Variants in RABL2A observed in about 807,000 individuals in gnomAD.
The protein encoded by RABL2A is RAB, member of RAS oncogene family like 2A.
RABL2A carries 17 observed loss-of-function variants against 30.7 expected under a neutral mutation model. The observed-to-expected ratio is 0.55, with a 90% CI of 0.38 to 0.83. RABL2A has a LOEUF of 0.83. Ranked by LOEUF, RABL2A falls within the 40% of genes least tolerant of loss-of-function variation. The pLI is 0.00. For synonymous variants in RABL2A, 64 were observed against 101.8 expected, an observed-to-expected ratio of 0.63 and a Z score of 2.24; for missense variants, 155 against 272.6, an observed-to-expected ratio of 0.57 and a Z score of 3.04.
intron 4 of RABL2A, 88 bp downstream of exon 4, chr2:113,634,320 A>G (rs1417163327): frequency 6.5e-7 from 1 of 1,538,838 alleles, no homozygotes; most frequent in Non-Finnish European, 8.8e-7. Flanking sequence ...ATAAGGAGAG[A>G]GTCCAGAGGG....
rs1201754037 is a variant in RABL2A, at chr2:113,641,297, C to G, written c.410-56C>G. ...GGAATGAAGGCCTCCAGTGGCCCCCCCTCCAAACCTTCTTCCCTTCCCTTG... is the reference window on the plus strand; with the variant it reads ...GGAATGAAGGCCTCCAGTGGCCCCCGCTCCAAACCTTCTTCCCTTCCCTTG... On this transcript the variant is annotated intron_variant, in intron 6 of 8. Transcript: ENST00000683472. The G allele has an allele frequency of 6.8e-5, 109 of 1,611,726 alleles. No individual in the cohort carries two copies. In the East Asian group the frequency reaches 1.3e-3, roughly 19 times the overall value.
chr2:113,632,991 A>T, intron 3 of RABL2A, 47 bp downstream of exon 3: 1 of 1,613,998 alleles, frequency 6.2e-7, no homozygotes. Flanking sequence ...GGGTCTTCCC[A>T]CGCTCATGTA....
chr2:113,636,905 C>T (rs1377157938), intron 5 of RABL2A, among the ~76,000 whole-genome samples: 6 of 151,862 alleles, frequency 4.0e-5, no homozygotes, highest in Admixed American at 2.6e-4. Flanking sequence ...AGGAGAATGG[C>T]GTGAACCCAG....
chr2:113,633,008 TCC>T (rs1681014043), intron 3 of RABL2A, 64 bp downstream of exon 3: 1 of 1,612,212 alleles, frequency 6.2e-7, no homozygotes, highest in Non-Finnish European at 8.5e-7. Flanking sequence ...TGTATCAGTG[TCC>T]CACTGCCCAC....
At chr2:113,630,432 T>C (rs2592678) in intron 2 of RABL2A, among the ~76,000 whole-genome samples, 1 of 152,262 alleles carries the variant, frequency 6.6e-6, no homozygotes, top group Non-Finnish European at 1.5e-5. Context: ...GCTATGATTG[T>C]GCCACTGCAC....
chr2:113,643,079 G>A lies in RABL2A; in HGVS notation c.*950G>A, dbSNP rs143709936. Reference sequence around the variant, plus strand: ...TAGCTATAGTTAGGAATACACAAGCGGTAAAATCGAGTCCTTACAGCCATA... The same window carrying A: ...TAGCTATAGTTAGGAATACACAAGCAGTAAAATCGAGTCCTTACAGCCATA... On this transcript the variant is annotated 3_prime_UTR_variant, in exon 9 of 9. Transcript: ENST00000683472. 146 of 449,538 alleles carry A rather than the reference G, an allele frequency of 3.2e-4. No homozygotes were observed. The highest frequency in any genetic ancestry group is 2.2e-3 in the Middle Eastern group (4 of 1,854). The allele number at this position is 449,538 out of a possible 1,614,324, so 27.8% of individuals were successfully genotyped here. A position where few individuals can be genotyped will look rare whatever the true frequency, so the allele number is the denominator to read the frequency against.
intron 5 of RABL2A, chr2:113,638,351 G>A: frequency 2.0e-6 from 2 of 985,398 alleles, no homozygotes; most frequent in Non-Finnish European, 2.4e-6. Context: ...ACAAATAGCT[G>A]GGTGATTTAG....
At chr2:113,634,783 C>T (rs1349064602) in intron 4 of RABL2A, among the ~76,000 whole-genome samples, 1 of 152,104 alleles carries the variant, frequency 6.6e-6, no homozygotes, top group Non-Finnish European at 1.5e-5. Context: ...TGTCTTCTCC[C>T]TCCTTGGGCT....
intron 2 of RABL2A, 95 bp from the exon 3 acceptor site, chr2:113,632,820 A>G: frequency 6.5e-6 from 10 of 1,547,414 alleles, no homozygotes; most frequent in Non-Finnish European, 8.9e-6. Flanking sequence ...GGGAAGCCAC[A>G]GGTGGCTTCC....
intron 5 of RABL2A, chr2:113,640,206 T>TAC (rs1319679877): frequency 6.6e-6 from 1 of 152,572 alleles, no homozygotes; most frequent in African/African-American, 2.4e-5. Context: ...CATTTACAGT[T>TAC]ACTACAGAGG....
At chr2:113,632,867 G>T (rs775566472) in intron 2 of RABL2A, 48 bp from the exon 3 acceptor site, 2 of 1,614,190 alleles carry the variant, frequency 1.2e-6, no homozygotes, top group Admixed American at 3.3e-5. Context: ...TCTGGGACAA[G>T]GGAGAGATGG....
rs1336506300 is a variant in RABL2A at position 113,634,231 on chromosome 2, G to C, written c.216G>C (p.Val72=). Residue 72 remains valine (V), a splice_region_variant and synonymous_variant, in exon 4 of 9, where the codon GTG becomes GTC. Coordinates refer to ENST00000683472, the MANE Select transcript of RABL2A (RefSeq NM_001306158.2). ...TATVDGKTIL[V]DFWDTAGQER... is the part of the protein sequence containing the mutation. ...CGGTAGATGGCAAGACCATCCTTGTGGGTAAGTGGCACAGGGCCAAGACAT... is the reference window on the plus strand; with the variant it reads ...CGGTAGATGGCAAGACCATCCTTGTCGGTAAGTGGCACAGGGCCAAGACAT... The C allele has an allele frequency of 6.2e-7, 1 of 1,610,900 alleles. No individual in the cohort carries two copies. The highest frequency in any genetic ancestry group is 1.1e-5 in the South Asian group (1 of 90,310).
Position 113,631,346 on chromosome 2 carries a change from A to AC in RABL2A, c.108-1561dup, listed in dbSNP as rs58083126. ...CGTTGTGCAAAGAGGGCAAAGGCACACCCCCCCCACCCAAAACTAAGGCCA... is the reference window on the plus strand; with the variant it reads ...CGTTGTGCAAAGAGGGCAAAGGCACACCCCCCCCCACCCAAAACTAAGGCCA... On this transcript the variant is annotated intron_variant, in intron 2 of 8. Coordinates refer to ENST00000683472, the MANE Select transcript of RABL2A (RefSeq NM_001306158.2). Among the ~76,000 whole-genome samples, 841 of 150,934 alleles carry AC rather than the reference A, an allele frequency of 5.6e-3. 15 individuals carry two copies. Among genetic ancestry groups the AC allele is most frequent in the African/African-American group, 0.017 (691 of 40,988 alleles).
At position 113,642,309 on chromosome 2, in the gene RABL2A, C is replaced by G. The variant is rs1376016629; in HGVS notation, c.*180C>G. The stretch of plus-strand genomic sequence containing the variant: ...CAGGGATGAGGTCAGCACCAGCAAA[C>G]TCTGGACTGGTGGAAGAATTCCCCA... On this transcript the variant is annotated 3_prime_UTR_variant, in exon 9 of 9. Coordinates refer to ENST00000683472, the MANE Select transcript of RABL2A (RefSeq NM_001306158.2). The G allele has an allele frequency of 2.1e-6, 3 of 1,401,788 alleles. No individual in the cohort carries two copies. The highest frequency in any genetic ancestry group is 2.8e-6 in the Non-Finnish European group (3 of 1,056,964). The allele number at this position is 1,401,788 out of a possible 1,614,324, so 86.8% of individuals were successfully genotyped here.
intron 5 of RABL2A, chr2:113,635,580 C>T (rs1207123482): frequency 1.1e-5 from 3 of 273,108 alleles, no homozygotes; most frequent in Non-Finnish European, 2.2e-5. Flanking sequence ...CCCCGAGCCT[C>T]CCATTGTGTT....
chr2:113,634,018 T>A, intron 3 of RABL2A, 135 bp from the exon 4 acceptor site: 1 of 1,451,474 alleles, frequency 6.9e-7, no homozygotes, highest in East Asian at 2.5e-5. Context: ...TCTGCAACAT[T>A]CATTTGATTT....
At chr2:113,629,377 C>G (rs1679367612) in intron 2 of RABL2A, among the ~76,000 whole-genome samples, 1 of 152,176 alleles carries the variant, frequency 6.6e-6, no homozygotes, top group Admixed American at 6.5e-5. Flanking sequence ...TTGGTTTCTA[C>G]CTTCATTTTT....
chr2:113,640,929 C>T lies in RABL2A; in HGVS notation c.333C>T (p.Asn111=). The stretch of plus-strand genomic sequence containing the variant: ...TACAGAGGAAAGTCACCTATAGGAA[C>T]CTGAGCACCTGGTATACAGAGCTTC... The part of the protein sequence containing the change: ...FDIQRKVTYR[N]LSTWYTELRE... Residue 111 remains asparagine, a synonymous_variant, in exon 6 of 9, where the codon AAC becomes AAT. Transcript: ENST00000683472. 6.2e-7 allele frequency: 1 copy of T among 1,613,842 alleles called. No individual in the cohort carries two copies. Among genetic ancestry groups the T allele is most frequent in the Non-Finnish European group, 8.5e-7 (1 of 1,179,842 alleles).
Position 113,635,134 on chromosome 2 carries a change from C to G in RABL2A, c.297+4C>G. ...CAAGGCCCATGCCTGCATCATGGTA[C>G]GAGACGGTGGGGAGGTGGACAAAGG... On this transcript the variant is annotated splice_donor_region_variant and intron_variant, in intron 5 of 8. Coordinates refer to ENST00000683472, the MANE Select transcript of RABL2A (RefSeq NM_001306158.2). 1 of 1,614,068 alleles carries G rather than the reference C, an allele frequency of 6.2e-7. No homozygotes were observed. The highest frequency in any genetic ancestry group is 1.3e-5 in the African/African-American group (1 of 75,002).
Sources: gnomAD v4.1 joint callset for allele counts (sites outside exome capture counted in the v4.1 genomes callset) on GRCh38, gnomAD v4.1.1 for gene constraint, MANE v1.5 for transcripts, NCBI Gene and HGNC (gene_info 2026-07-23, HGNC 2026-07-21) for gene names.